The following PRLR variants were observed in gnomAD, a reference collection of about 807,000 sequenced individuals.
PRLR encodes prolactin receptor, also known as hPRL receptor.
PRLR carries 13 observed loss-of-function variants against 40.2 expected under a neutral mutation model. That is an observed-to-expected ratio of 0.32 (90% confidence interval 0.21 to 0.51). The LOEUF (loss-of-function observed/expected upper bound fraction) is 0.51. Ranked by LOEUF, PRLR falls within the 20% of genes least tolerant of loss-of-function variation. The pLI is 0.97. For missense variants in PRLR, 656 were observed against 747.3 expected (o/e 0.88, Z 1.42); for synonymous variants, 269 against 278.7 (o/e 0.97, Z 0.35).
At chr5:35,226,844 C>T (rs924919238) in intron 1 of PRLR, among the ~76,000 whole-genome samples, 2 of 152,228 alleles carry the variant, frequency 1.3e-5, no homozygotes, top group Admixed American at 1.3e-4. Context: ...GGCATAGAAG[C>T]TCCACAAGGG....
At position 35,060,547 on chromosome 5, in the gene PRLR, A is replaced by G. The variant is rs1450289257; in HGVS notation, c.*4542T>C. The G allele has an allele frequency of 6.6e-6, 1 of 152,222 alleles. No homozygotes were observed. Among genetic ancestry groups the G allele is most frequent in the Admixed American group, 6.5e-5 (1 of 15,278 alleles). 9.4% of individuals were successfully genotyped at this position (152,222 alleles called of 1,614,324 possible). On this transcript the variant is annotated 3_prime_UTR_variant, in exon 10 of 10. Transcript: ENST00000618457. ...AGAAACCTTTTAGGCCAACCTACTT[A>G]TTTAACAAGTAAGGAACCTGATGGC...
At chr5:35,080,999 C>T (rs1170492837) in intron 5 of PRLR, among the ~76,000 whole-genome samples, 3 of 129,032 alleles carry the variant, frequency 2.3e-5, no homozygotes, top group African/African-American at 9.1e-5. Context: ...AATGAGAACA[C>T]TTGAACACAG....
chr5:35,151,156 G>T (rs1181229181), intron 1 of PRLR, among the ~76,000 whole-genome samples: 1 of 152,104 alleles, frequency 6.6e-6, no homozygotes, highest in Non-Finnish European at 1.5e-5. Flanking sequence ...CTGAATTTGG[G>T]CATGGCTATG....
At chr5:35,084,841 T>TG (rs1770744823) in intron 4 of PRLR, among the ~76,000 whole-genome samples, 4 of 152,136 alleles carry the variant, frequency 2.6e-5, no homozygotes, top group African/African-American at 9.7e-5. Context: ...GGAAAGGTTA[T>TG]TTTAGGGCCT....
chr5:35,187,671 A>G (rs375405936), intron 1 of PRLR, among the ~76,000 whole-genome samples: 3 of 152,148 alleles, frequency 2.0e-5, no homozygotes, highest in South Asian at 4.2e-4. Context: ...AAGCCCTTCA[A>G]ATAATAGTGA....
intron 1 of PRLR, among the ~76,000 whole-genome samples, chr5:35,223,828 G>A (rs1776480671): frequency 6.6e-6 from 1 of 152,138 alleles, no homozygotes; most frequent in African/African-American, 2.4e-5. Flanking sequence ...TTTTCCCCGT[G>A]GAGTCTAGCA....
At chr5:35,066,570 T>C (rs1316799769) in intron 9 of PRLR, among the ~76,000 whole-genome samples, 1 of 151,856 alleles carries the variant, frequency 6.6e-6, no homozygotes, top group Non-Finnish European at 1.5e-5. Context: ...CTCCTTCCTC[T>C]TCTTATTTCC....
chr5:35,076,950 T>G (rs1490200301), intron 5 of PRLR, among the ~76,000 whole-genome samples: 1 of 152,138 alleles, frequency 6.6e-6, no homozygotes, highest in African/African-American at 2.4e-5. Context: ...AAACTAAGCT[T>G]CATAAGTGAA....
In PRLR at chr5:35,061,122, C is replaced by CTATATA. The variant is rs376150561; in HGVS notation, c.*3961_*3966dup. 6.6e-6 allele frequency: 1 copy of CTATATA among 150,748 alleles called. No homozygotes were observed. The highest frequency in any genetic ancestry group is 1.9e-4 in the East Asian group (1 of 5,184). The allele number at this position is 150,748 out of a possible 1,614,324, so 9.3% of individuals were successfully genotyped here. A position where few individuals can be genotyped will look rare whatever the true frequency, so the allele number is the denominator to read the frequency against. ...CATTCATACATATCTATATCTATAT[C>CTATATA]TATATATATATATAATCCCTATAAG... On this transcript the variant is annotated 3_prime_UTR_variant, in exon 10 of 10. Transcript: ENST00000618457.
intron 2 of PRLR, among the ~76,000 whole-genome samples, chr5:35,105,519 T>G (rs921263532): frequency 6.6e-6 from 1 of 152,116 alleles, no homozygotes; most frequent in Admixed American, 6.5e-5. Flanking sequence ...AAACAGTGTA[T>G]AGAGAAGACC....
chr5:35,066,531 C>T (rs930707391), intron 9 of PRLR, among the ~76,000 whole-genome samples: 13 of 151,948 alleles, frequency 8.6e-5, no homozygotes, highest in Non-Finnish European at 2.9e-5. Context: ...GGATTCTTGT[C>T]TTTTCCTTCT....
At chr5:35,090,897 G>A (rs1010064960) in intron 2 of PRLR, among the ~76,000 whole-genome samples, 8 of 138,044 alleles carry the variant, frequency 5.8e-5, no homozygotes, top group Admixed American at 3.3e-4. Flanking sequence ...TGCAAGCTCC[G>A]CTTACTGGAT....
chr5:35,204,944 T>C (rs1775976237), intron 1 of PRLR, among the ~76,000 whole-genome samples: 1 of 152,178 alleles, frequency 6.6e-6, no homozygotes, highest in Non-Finnish European at 1.5e-5. Context: ...ATAAGTTTCC[T>C]GACACCCTTC....
chr5:35,192,373 C>A (rs182183702), intron 1 of PRLR, among the ~76,000 whole-genome samples: 2 of 152,184 alleles, frequency 1.3e-5, no homozygotes, highest in South Asian at 2.1e-4. Context: ...CTCTCTCCCC[C>A]ACCTCTTAAT....
At chr5:35,162,203 T>G (rs1476391028) in intron 1 of PRLR, among the ~76,000 whole-genome samples, 6 of 152,200 alleles carry the variant, frequency 3.9e-5, no homozygotes, top group Admixed American at 3.3e-4. Context: ...TAAGTTCTGG[T>G]TACAACATAA....
rs1416310548 is a variant in PRLR at position 35,070,401 on chromosome 5, T to C, written c.544-136A>G. ...TCCCTGCTGTCACTACTCCACTGTCTTAGCCCTATCTTTTCCTTCTCTTAA... is the reference window on the plus strand; with the variant it reads ...TCCCTGCTGTCACTACTCCACTGTCCTAGCCCTATCTTTTCCTTCTCTTAA... On this transcript the variant is annotated intron_variant, in intron 6 of 9. Transcript: ENST00000618457. 7 of 946,074 alleles carry C rather than the reference T, an allele frequency of 7.4e-6. No individual in the cohort carries two copies. In the South Asian group the frequency reaches 9.5e-5, roughly 13 times the overall value. The allele number at this position is 946,074 out of a possible 1,614,324, so 58.6% of individuals were successfully genotyped here.
chr5:35,054,037 TA>T, downstream of PRLR, among the ~76,000 whole-genome samples: 1 of 152,316 alleles, frequency 6.6e-6, no homozygotes, highest in East Asian at 1.9e-4. Flanking sequence ...GCATAAAAGA[TA>T]AGCAGGAAAA....
At chr5:35,158,224 T>A (rs1198095107) in intron 1 of PRLR, among the ~76,000 whole-genome samples, 1 of 152,208 alleles carries the variant, frequency 6.6e-6, no homozygotes, top group Non-Finnish European at 1.5e-5. Context: ...AAATTGCTCG[T>A]ATGCCTGCTG....
chr5:35,183,248 T>G (rs1428674994), intron 1 of PRLR, among the ~76,000 whole-genome samples: 5 of 152,206 alleles, frequency 3.3e-5, no homozygotes. Context: ...AGGAAGAATC[T>G]CCTTCTCCTG....
Sources: allele counts gnomAD v4.1 joint callset (sites outside exome capture counted in the v4.1 genomes callset), GRCh38; gene constraint gnomAD v4.1.1; transcripts MANE v1.5; gene names NCBI Gene and HGNC (gene_info 2026-07-23, HGNC 2026-07-21).